EAPP: variants seen among roughly 807,000 people sequenced by gnomAD.
EAPP encodes E2F associated phosphoprotein.
In EAPP, 38 loss-of-function variants were observed where a neutral mutation model predicts 34.3. That is an observed-to-expected ratio of 1.11 (90% confidence interval 0.85 to 1.45). EAPP has a LOEUF of 1.45. Among genes scored for constraint, EAPP ranks in the 40% most tolerant of loss-of-function variants. EAPP has a pLI of 0.00. For synonymous variants in EAPP, 113 were observed against 117.6 expected (o/e 0.96, Z 0.25); for missense variants, 338 against 343.7 (o/e 0.98, Z 0.13).
At chr14:34,529,563 C>T (rs1380040507) in intron 3 of EAPP, 88 bp from the exon 4 acceptor site, 4 of 1,004,428 alleles carry the variant, frequency 4.0e-6, no homozygotes, top group African/African-American at 1.6e-5. Flanking sequence ...CCAAGCTACA[C>T]ATTTATTTAT....
chr14:34,528,969 T>C (rs1880187201), intron 4 of EAPP, among the ~76,000 whole-genome samples: 1 of 151,818 alleles, frequency 6.6e-6, no homozygotes, highest in Admixed American at 6.6e-5. Context: ...ACCCGGTCTC[T>C]ACTAAAAATA....
chr14:34,535,533 T>C (rs1298204426), intron 2 of EAPP, among the ~76,000 whole-genome samples: 1 of 146,486 alleles, frequency 6.8e-6, no homozygotes, highest in Non-Finnish European at 1.5e-5. Context: ...CCTGGGTTCA[T>C]GCCATTCTCC....
In EAPP at chr14:34,519,674, T is replaced by C. The variant is rs144326869; in HGVS notation, c.582-3088A>G. Among the ~76,000 whole-genome samples the C allele has an allele frequency of 3.1e-3, 465 of 152,270 alleles. 3 individuals are homozygous for C. Among genetic ancestry groups the C allele is most frequent in the African/African-American group, 0.011 (451 of 41,572 alleles). ...TTATAGCAGTGCAAGAGCAGACTAA[T>C]ACAACTACTGGCATTTTGCTGCTTT... On this transcript the variant is annotated intron_variant, in intron 5 of 5. Transcript: ENST00000250454.
At chr14:34,524,651 A>AAATGTGTGTGTG in intron 5 of EAPP, 46 bp downstream of exon 5, 1 of 1,000,424 alleles carries the variant, frequency 1.0e-6, no homozygotes, top group African/African-American at 1.8e-5. Context: ...TTTAAACAAA[A>AAATGTGTGTGTG]TATGTATGTG....
chr14:34,531,815 G>A (rs376699891), intron 3 of EAPP, among the ~76,000 whole-genome samples: 13 of 151,888 alleles, frequency 8.6e-5, no homozygotes, highest in African/African-American at 1.7e-4. Flanking sequence ...AGTAGCTCAC[G>A]CCTGTAATCC....
At chr14:34,526,610 G>T (rs1880104458) in intron 4 of EAPP, among the ~76,000 whole-genome samples, 1 of 151,496 alleles carries the variant, frequency 6.6e-6, no homozygotes, top group African/African-American at 2.4e-5. Context: ...CATAAACCGG[G>T]CATGGTGGCT....
At chr14:34,521,102 CTT>C (rs1225724707) in intron 5 of EAPP, among the ~76,000 whole-genome samples, 4 of 152,010 alleles carry the variant, frequency 2.6e-5, no homozygotes, top group Admixed American at 6.6e-5. Context: ...AAGTTTTGCT[CTT>C]GTTGCCCAGG....
intron 3 of EAPP, among the ~76,000 whole-genome samples, chr14:34,532,699 G>A (rs1465183275): frequency 1.3e-5 from 2 of 148,788 alleles, no homozygotes; most frequent in African/African-American, 5.0e-5. Flanking sequence ...TTTTGAGACG[G>A]AGTCTCACTC....
intron 3 of EAPP, 87 bp from the exon 4 acceptor site, chr14:34,529,562 A>T (rs1304908210): frequency 1.5e-5 from 15 of 1,003,788 alleles, no homozygotes; most frequent in Admixed American, 4.5e-5. Flanking sequence ...CCCAAGCTAC[A>T]CATTTATTTA....
chr14:34,522,704 G>A (rs765975908), intron 5 of EAPP, among the ~76,000 whole-genome samples: 2 of 152,204 alleles, frequency 1.3e-5, no homozygotes, highest in Non-Finnish European at 2.9e-5. Context: ...CACTGAGCGT[G>A]CTGCCTGTTC....
At chr14:34,533,944 G>A (rs1880379723) in intron 2 of EAPP, among the ~76,000 whole-genome samples, 1 of 152,074 alleles carries the variant, frequency 6.6e-6, no homozygotes, top group African/African-American at 2.4e-5. Flanking sequence ...ATGAGTCAAG[G>A]ACACATTCTT....
chr14:34,525,301 G>A (rs767071269), intron 4 of EAPP, among the ~76,000 whole-genome samples: 6 of 152,136 alleles, frequency 3.9e-5, no homozygotes, highest in Non-Finnish European at 7.4e-5. Context: ...GTACGGTATG[G>A]TAAGGCGGGG....
intron 5 of EAPP, among the ~76,000 whole-genome samples, chr14:34,523,520 C>A (rs1879990105): frequency 6.8e-6 from 1 of 147,342 alleles, no homozygotes; most frequent in African/African-American, 2.5e-5. Flanking sequence ...CCACCACGCC[C>A]AGCCCGTTTT....
intron 3 of EAPP, among the ~76,000 whole-genome samples, chr14:34,531,371 G>C (rs910825611): frequency 6.6e-5 from 10 of 152,062 alleles, no homozygotes; most frequent in African/African-American, 2.2e-4. Flanking sequence ...GGAAGCCTGA[G>C]GCGGGCGGAT....
At chr14:34,517,808 T>C (rs1348245675) in intron 5 of EAPP, among the ~76,000 whole-genome samples, 2 of 151,522 alleles carry the variant, frequency 1.3e-5, no homozygotes, top group African/African-American at 4.8e-5. Flanking sequence ...GGAGTCTCGC[T>C]CTGTCACCCA....
At chr14:34,539,519 C>G (rs753854442) in intron 1 of EAPP, 36 bp downstream of exon 1, 4 of 1,600,908 alleles carry the variant, frequency 2.5e-6, no homozygotes, top group African/African-American at 1.3e-5. Context: ...GGCCTCGACC[C>G]AAATCCTCGG....
At position 34,516,439 on chromosome 14, in the gene EAPP, G is replaced by A. The variant is rs7797; in HGVS notation, c.729C>T (p.Ala243=). ...CTTCCACATCTGTCTCTGCCTTCTC[G>A]GCAGCATCTTCCCGGTTAGACCTCA... ...KKMRSNREDA[A]EKAETDVEEI... is the part of the protein sequence containing the mutation. The change falls in exon 6 of 6, where the codon GCC becomes GCT. Residue 243 remains alanine (A), a synonymous_variant. Transcript: ENST00000250454. The A allele has an allele frequency of 0.34, 556,148 of 1,613,690 alleles. 98,703 individuals are homozygous for A. The highest frequency in any genetic ancestry group is 0.37 in the Non-Finnish European group (436,513 of 1,179,852).
chr14:34,534,910 G>A (rs1415558954), intron 2 of EAPP, among the ~76,000 whole-genome samples: 1 of 151,734 alleles, frequency 6.6e-6, no homozygotes, highest in Non-Finnish European at 1.5e-5. Context: ...CACAATCTCG[G>A]CTCACTGCAA....
At chr14:34,532,105 A>T (rs1174493591) in intron 3 of EAPP, among the ~76,000 whole-genome samples, 1 of 151,682 alleles carries the variant, frequency 6.6e-6, no homozygotes, top group Non-Finnish European at 1.5e-5. Flanking sequence ...GAAAGAAAGA[A>T]AGAAAAATTC....
Sources: gnomAD v4.1 joint callset for allele counts (sites outside exome capture counted in the v4.1 genomes callset) on GRCh38, gnomAD v4.1.1 for gene constraint, MANE v1.5 for transcripts, NCBI Gene and HGNC (gene_info 2026-07-23, HGNC 2026-07-21) for gene names.